The following THSD7A variants were observed in gnomAD, a reference collection of about 807,000 sequenced individuals.
THSD7A encodes thrombospondin type-1 domain-containing protein 7A.
In THSD7A, 96 loss-of-function variants were observed where a neutral mutation model predicts 231.3. That is an observed-to-expected ratio of 0.41 (90% confidence interval 0.35 to 0.49). THSD7A has a LOEUF of 0.49. Among genes scored for constraint, THSD7A ranks in the 20% least tolerant of loss-of-function variants. THSD7A has a pLI of 0.05. For missense variants in THSD7A, 2,290 were observed against 2,070.2 expected, an observed-to-expected ratio of 1.11 and a Z score of -2.06; for synonymous variants, 940 against 743.3, an observed-to-expected ratio of 1.26 and a Z score of -4.30.
chr7:11,763,273 G>C (rs1782924302), intron 1 of THSD7A, among the ~76,000 whole-genome samples: 1 of 152,074 alleles, frequency 6.6e-6, no homozygotes, highest in African/African-American at 2.4e-5. Flanking sequence ...GATGCCTTCT[G>C]TCATCTCTGT....
intron 1 of THSD7A, among the ~76,000 whole-genome samples, chr7:11,681,193 G>C (rs1246929012): frequency 6.6e-6 from 1 of 151,968 alleles, no homozygotes; most frequent in African/African-American, 2.4e-5. Context: ...ACACACTGGG[G>C]TCAGTCAGGG....
intron 1 of THSD7A, among the ~76,000 whole-genome samples, chr7:11,648,079 T>A (rs1189955594): frequency 1.3e-5 from 2 of 152,128 alleles, no homozygotes; most frequent in African/African-American, 4.8e-5. Context: ...GACTTCTGTA[T>A]TTCTAATCAA....
Position 11,632,536 on chromosome 7 carries a change from T to C in THSD7A, c.1022+3594A>G, listed in dbSNP as rs1171054264. On this transcript the variant is annotated intron_variant, in intron 2 of 27. Coordinates refer to ENST00000423059, the MANE Select transcript of THSD7A (RefSeq NM_015204.3). The surrounding 1 kb of genome is among the most constrained non-coding windows in gnomAD (Gnocchi z 4.1). The stretch of plus-strand genomic sequence containing the variant: ...GTAACATCTGAGGGAAAAGGTCTTA[T>C]TTTTACCACTTGCTTTCTAATTTTC... Among the ~76,000 whole-genome samples the C allele has an allele frequency of 6.6e-6, 1 of 152,170 alleles. No individual in the cohort carries two copies. Among genetic ancestry groups the C allele is most frequent in the Non-Finnish European group, 1.5e-5 (1 of 68,016 alleles).
intron 1 of THSD7A, among the ~76,000 whole-genome samples, chr7:11,803,924 T>C (rs1784339543): frequency 6.6e-6 from 1 of 152,156 alleles, no homozygotes; most frequent in South Asian, 2.1e-4. Flanking sequence ...CATTACAATA[T>C]ATTAGATTAA....
intron 1 of THSD7A, among the ~76,000 whole-genome samples, chr7:11,731,535 G>T (rs1380544072): frequency 1.3e-5 from 2 of 151,576 alleles, no homozygotes; most frequent in East Asian, 3.9e-4. Flanking sequence ...AATTGCTTGA[G>T]TTCAAAAATT....
At chr7:11,506,278 G>C (rs535376487) in intron 6 of THSD7A, among the ~76,000 whole-genome samples, 1 of 152,184 alleles carries the variant, frequency 6.6e-6, no homozygotes, top group Non-Finnish European at 1.5e-5. Context: ...GGAGTGAGCC[G>C]CGCTGGGCCT....
intron 6 of THSD7A, among the ~76,000 whole-genome samples, chr7:11,497,960 T>C (rs1267144022): frequency 6.6e-6 from 1 of 152,014 alleles, no homozygotes; most frequent in Non-Finnish European, 1.5e-5. Context: ...GGTTAGGAGA[T>C]CTCTTTGAGA....
At chr7:11,458,345 A>G (rs975902087) in intron 11 of THSD7A, among the ~76,000 whole-genome samples, 5 of 152,142 alleles carry the variant, frequency 3.3e-5, no homozygotes, top group African/African-American at 1.2e-4. Context: ...ATACTTCTAC[A>G]TTCTTAAGAT....
intron 23 of THSD7A, among the ~76,000 whole-genome samples, chr7:11,390,987 C>A (rs1369423497): frequency 2.0e-5 from 3 of 152,214 alleles, no homozygotes; most frequent in Admixed American, 2.0e-4. Context: ...CAGAGGGGCA[C>A]CTGCCAGATG....
intron 7 of THSD7A, among the ~76,000 whole-genome samples, chr7:11,480,245 C>T (rs1786368654): frequency 1.3e-5 from 2 of 152,166 alleles, no homozygotes; most frequent in Non-Finnish European, 1.5e-5. Flanking sequence ...GCCTTTAAAA[C>T]ATTTCATGAC....
chr7:11,657,061 GA>G (rs1280541641), intron 1 of THSD7A, among the ~76,000 whole-genome samples: 2 of 151,720 alleles, frequency 1.3e-5, no homozygotes, highest in Admixed American at 1.3e-4. Flanking sequence ...AGGACAAGCA[GA>G]CATATGATGT....
At chr7:11,780,823 C>G in intron 1 of THSD7A, among the ~76,000 whole-genome samples, 1 of 151,520 alleles carries the variant, frequency 6.6e-6, no homozygotes, top group African/African-American at 2.4e-5. Context: ...AACCCCGTCT[C>G]TACTAAAAAT....
intron 6 of THSD7A, among the ~76,000 whole-genome samples, chr7:11,531,771 C>T (rs1211767451): frequency 6.6e-6 from 1 of 152,124 alleles, no homozygotes. Flanking sequence ...GTTAAAATGT[C>T]AGTAGGGTTT....
At chr7:11,555,955 C>A (rs1424419712) in intron 4 of THSD7A, among the ~76,000 whole-genome samples, 5 of 151,652 alleles carry the variant, frequency 3.3e-5, no homozygotes, top group Non-Finnish European at 5.9e-5. Flanking sequence ...TTACTTTAAA[C>A]CTGCATATAA....
Position 11,484,874 on chromosome 7 carries a change from A to ATTTTTTTTTTTTTTTTTTTTTTTT in THSD7A, c.1823-2916_1823-2893dup, listed in dbSNP as rs56353626. On this transcript the variant is annotated intron_variant, in intron 6 of 27. Coordinates refer to ENST00000423059, the MANE Select transcript of THSD7A (RefSeq NM_015204.3). ...CTCAACCCACTGAATCACAACCTTA[A>ATTTTTTTTTTTTTTTTTTTTTTTT]TTTTTTTTTTTTTTTTTTTTTTTTT... Among the ~76,000 whole-genome samples, 8 of 53,810 alleles carry ATTTTTTTTTTTTTTTTTTTTTTTT rather than the reference A, an allele frequency of 1.5e-4. 1 individual carries two copies. Among genetic ancestry groups the ATTTTTTTTTTTTTTTTTTTTTTTT allele is most frequent in the Non-Finnish European group, 1.9e-4 (6 of 32,086 alleles). The allele number at this position is 53,810 out of a possible 152,430, so 35.3% of individuals were successfully genotyped here.
intron 1 of THSD7A, among the ~76,000 whole-genome samples, chr7:11,790,816 T>C (rs369157716): frequency 6.6e-6 from 1 of 152,000 alleles, no homozygotes; most frequent in African/African-American, 2.4e-5. Context: ...TCTGATAAGA[T>C]AGTGAGGCAA....
chr7:11,466,716 A>T (rs1378794592), intron 9 of THSD7A, among the ~76,000 whole-genome samples: 1 of 152,080 alleles, frequency 6.6e-6, no homozygotes, highest in Non-Finnish European at 1.5e-5. Flanking sequence ...GTGTTCAGGG[A>T]AACACTGCTC....
intron 4 of THSD7A, among the ~76,000 whole-genome samples, chr7:11,557,414 T>A (rs1789892868): frequency 6.6e-6 from 1 of 152,080 alleles, no homozygotes; most frequent in Admixed American, 6.6e-5. Context: ...CTTCCTTATA[T>A]CTTGTTGGAT....
chr7:11,580,313 G>A (rs1157741874), intron 4 of THSD7A, among the ~76,000 whole-genome samples: 1 of 152,060 alleles, frequency 6.6e-6, no homozygotes, highest in East Asian at 1.9e-4. Context: ...AAATTCACCT[G>A]AGGAATAAGG....
Sources: gnomAD v4.1 joint callset for allele counts (sites outside exome capture counted in the v4.1 genomes callset) on GRCh38, gnomAD v4.1.1 for gene constraint, Gnocchi (gnomAD v3.1) non-coding constraint, MANE v1.5 for transcripts, NCBI Gene and HGNC (gene_info 2026-07-23, HGNC 2026-07-21) for gene names.